Variants in MORC1 observed in about 807,000 individuals in gnomAD.
The protein encoded by MORC1 is MORC family CW-type zinc finger 1.
A neutral mutation model predicts 134.9 loss-of-function variants in MORC1; 59 were observed. The ratio of observed to expected loss-of-function variants is 0.44; its 90% confidence interval spans 0.35 to 0.54. MORC1 has a LOEUF of 0.54. Ranked by LOEUF, MORC1 falls within the 20% of genes least tolerant of loss-of-function variation. MORC1 has a pLI of 0.00. For synonymous variants in MORC1, 395 were observed against 391.7 expected, an observed-to-expected ratio of 1.01 and a Z score of -0.10; for missense variants, 947 against 1,134.5, an observed-to-expected ratio of 0.83 and a Z score of 2.37.
intron 14 of MORC1, among the ~76,000 whole-genome samples, chr3:109,035,799 T>C (rs989997761): frequency 6.6e-5 from 10 of 152,176 alleles, no homozygotes; most frequent in African/African-American, 2.2e-4. Flanking sequence ...TTCTTAAGCA[T>C]TCCCAGGAAA....
At chr3:108,978,583 T>C (rs565977502) in intron 24 of MORC1, among the ~76,000 whole-genome samples, 32 of 152,238 alleles carry the variant, frequency 2.1e-4, no homozygotes, top group Middle Eastern at 3.4e-3. Flanking sequence ...GTTAGCAGTC[T>C]CCTCTCATAA....
intron 15 of MORC1, 144 bp from the exon 16 acceptor site, chr3:109,032,969 T>G (rs1172270135): frequency 1.1e-5 from 7 of 641,862 alleles, no homozygotes; most frequent in Middle Eastern, 7.3e-4. Context: ...TTATTCTTGA[T>G]GACACATCTA....
intron 21 of MORC1, among the ~76,000 whole-genome samples, chr3:108,992,584 C>T (rs183983670): frequency 6.6e-6 from 1 of 152,244 alleles, no homozygotes; most frequent in African/African-American, 2.4e-5. Flanking sequence ...CTCCCAAAAA[C>T]AAATCCAACT....
At chr3:109,024,160 A>T (rs1321280018) in intron 17 of MORC1, among the ~76,000 whole-genome samples, 1 of 152,208 alleles carries the variant, frequency 6.6e-6, no homozygotes, top group Non-Finnish European at 1.5e-5. Flanking sequence ...GCAATATATA[A>T]GTTTGTTGCT....
At chr3:109,040,501 A>C (rs1233521987) in intron 14 of MORC1, among the ~76,000 whole-genome samples, 1 of 150,966 alleles carries the variant, frequency 6.6e-6, no homozygotes, top group Admixed American at 6.6e-5. Flanking sequence ...AAGAAAAGAA[A>C]GGAAGGAAGG....
At chr3:108,986,815 C>T (rs573352903) in intron 22 of MORC1, 65 bp downstream of exon 22, 3 of 1,108,688 alleles carry the variant, frequency 2.7e-6, no homozygotes, top group East Asian at 2.7e-5. Flanking sequence ...GCTGTCAAGC[C>T]ATATTGAAAA....
At chr3:109,108,106 T>C (rs1951077866) in intron 3 of MORC1, among the ~76,000 whole-genome samples, 1 of 152,050 alleles carries the variant, frequency 6.6e-6, no homozygotes, top group Non-Finnish European at 1.5e-5. Flanking sequence ...GGAGAATTGC[T>C]TGAACCTGGG....
chr3:109,035,486 AG>A lies in MORC1; in HGVS notation c.1331-19del, dbSNP rs1231490571. 10 of 1,365,766 alleles carry A rather than the reference AG, an allele frequency of 7.3e-6. No homozygotes were observed. Among genetic ancestry groups the A allele is most frequent in the Non-Finnish European group, 9.8e-6 (10 of 1,015,680 alleles). 84.6% of individuals were successfully genotyped at this position (1,365,766 alleles called of 1,614,324 possible). A position where few individuals can be genotyped will look rare whatever the true frequency, so the allele number is the denominator to read the frequency against. On this transcript the variant is annotated intron_variant, in intron 14 of 27. Coordinates refer to ENST00000232603, the MANE Select transcript of MORC1 (RefSeq NM_014429.4). ...TCTATTATCTTTTAAAAAAAAAAGC[AG>A]GCAAAGAATAACAAAAAAAAATCAT...
intron 17 of MORC1, among the ~76,000 whole-genome samples, chr3:109,010,541 TGAC>T (rs1468899834): frequency 1.3e-5 from 2 of 152,192 alleles, no homozygotes; most frequent in Non-Finnish European, 1.5e-5. Flanking sequence ...GAGATATAGT[TGAC>T]GAACAAATAA....
At chr3:108,969,520 A>G (rs1947314798) in intron 26 of MORC1, 149 bp downstream of exon 26, 1 of 707,850 alleles carries the variant, frequency 1.4e-6, no homozygotes, top group African/African-American at 1.8e-5. Flanking sequence ...GCTTTATGAC[A>G]CCTGATAAGC....
chr3:109,071,652 A>G (rs143061463), intron 8 of MORC1, among the ~76,000 whole-genome samples: 383 of 152,324 alleles, frequency 2.5e-3, no homozygotes, highest in Admixed American at 6.0e-3. Context: ...CACATACAGC[A>G]TAATTTTCTC....
At chr3:108,974,330 G>A (rs760458400) in intron 24 of MORC1, among the ~76,000 whole-genome samples, 4 of 152,140 alleles carry the variant, frequency 2.6e-5, no homozygotes, top group African/African-American at 4.8e-5. Flanking sequence ...AATCACATAC[G>A]TAGGGTCTGA....
At chr3:109,005,591 T>C (rs1018350659) in intron 18 of MORC1, among the ~76,000 whole-genome samples, 2 of 152,146 alleles carry the variant, frequency 1.3e-5, no homozygotes, top group Admixed American at 1.3e-4. Flanking sequence ...ATTCTGACTT[T>C]CCCCCAATAG....
intron 18 of MORC1, among the ~76,000 whole-genome samples, chr3:109,006,388 T>C (rs183514838): frequency 6.6e-6 from 1 of 152,306 alleles, no homozygotes; most frequent in East Asian, 1.9e-4. Flanking sequence ...GAAACAACTG[T>C]TCCAATATTT....
rs768917589 is a variant in MORC1, at chr3:109,057,464, G to C, written c.1054C>G (p.Leu352Val). ...KQRELKTART[L>V]SLFYGVNVEN... Reference sequence around the variant, plus strand: ...ACGTTCACTCCATAGAACAGGGAGAGCGTTCTTGCTGTTTTTAATTCTCTA... The same window carrying C: ...ACGTTCACTCCATAGAACAGGGAGACCGTTCTTGCTGTTTTTAATTCTCTA... The change falls in exon 13 of 28, where the codon CTC becomes GTC. Residue 352 changes from leucine to valine, a missense_variant. By Grantham distance (32) the Leu-to-Val change is conservative. Transcript: ENST00000232603. The C allele has an allele frequency of 6.3e-7, 1 of 1,599,990 alleles. No homozygotes were observed. Among genetic ancestry groups the C allele is most frequent in the South Asian group, 1.1e-5 (1 of 87,054 alleles).
intron 14 of MORC1, among the ~76,000 whole-genome samples, chr3:109,035,698 A>C (rs1484894752): frequency 6.6e-6 from 1 of 152,146 alleles, no homozygotes; most frequent in East Asian, 1.9e-4. Flanking sequence ...ATATGCAGTA[A>C]ATCTGCAATA....
chr3:109,069,391 A>C (rs1950267257), intron 9 of MORC1, among the ~76,000 whole-genome samples: 1 of 152,214 alleles, frequency 6.6e-6, no homozygotes. Context: ...AGTAAAAAAC[A>C]AATTTCTACT....
intron 17 of MORC1, among the ~76,000 whole-genome samples, chr3:109,008,391 C>T (rs1474617506): frequency 6.6e-6 from 1 of 151,684 alleles, no homozygotes; most frequent in East Asian, 1.9e-4. Context: ...TACGATTATT[C>T]CAAGGGTACT....
intron 8 of MORC1, among the ~76,000 whole-genome samples, chr3:109,091,209 T>TG (rs1225613630): frequency 5.9e-5 from 9 of 151,986 alleles, no homozygotes; most frequent in East Asian, 1.9e-4. Context: ...TTTGGCAGGC[T>TG]GGGGGAGTAG....
Sources: gnomAD v4.1 joint callset for allele counts (sites outside exome capture counted in the v4.1 genomes callset) on GRCh38, gnomAD v4.1.1 for gene constraint, MANE v1.5 for transcripts, NCBI Gene and HGNC (gene_info 2026-07-23, HGNC 2026-07-21) for gene names.